Variants in PRDM1 observed in about 807,000 individuals in gnomAD.
The protein encoded by PRDM1 is PR domain zinc finger protein 1.
Under a neutral mutation model 62.8 loss-of-function variants are expected in PRDM1, and 13 were observed. The ratio of observed to expected loss-of-function variants is 0.21; its 90% CI spans 0.13 to 0.33. PRDM1 has a LOEUF of 0.33. PRDM1 is among the 10% of genes least tolerant of loss of function. The pLI is 1.00. For synonymous variants in PRDM1, 396 were observed against 417.6 expected (o/e 0.95, Z 0.63); for missense variants, 895 against 1,058.8 (o/e 0.85, Z 2.15).
Position 106,108,496 on chromosome 6 carries a change from G to A in PRDM1, c.*1010G>A. On this transcript the variant is annotated 3_prime_UTR_variant, in exon 7 of 7. Coordinates refer to ENST00000369096, the MANE Select transcript of PRDM1 (RefSeq NM_001198.4). ...GCGATTTGGGGGCTTGAGTCTGGGT[G>A]GTGTTTTGTTGTTGGTTTTTGTTGC... The A allele has an allele frequency of 4.4e-6, 1 of 226,606 alleles. No homozygotes were observed. The highest frequency in any genetic ancestry group is 2.3e-5 in the African/African-American group (1 of 43,178). The allele number at this position is 226,606 out of a possible 1,614,324, so 14.0% of individuals were successfully genotyped here.
At chr6:106,088,166 C>G (rs1269090290) in intron 1 of PRDM1, 35 bp from the exon 2 acceptor site, 1 of 1,553,024 alleles carries the variant, frequency 6.4e-7, no homozygotes, top group Non-Finnish European at 8.7e-7. Context: ...AACGGCGGGA[C>G]AATGGGGATT....
At chr6:106,078,608 A>T (rs1361598135) in intron 1 of PRDM1, among the ~76,000 whole-genome samples, 1 of 152,238 alleles carries the variant, frequency 6.6e-6, no homozygotes, top group Admixed American at 6.5e-5. Flanking sequence ...GCAGTGGCTC[A>T]CGCCTGTAAT....
intron 1 of PRDM1, among the ~76,000 whole-genome samples, chr6:106,061,523 C>T (rs1007414785): frequency 6.6e-6 from 1 of 152,220 alleles, no homozygotes; most frequent in African/African-American, 2.4e-5. Context: ...AATCACGTCC[C>T]ATAGCTCATT....
upstream of PRDM1, chr6:106,045,975 A>G (rs1270702959): frequency 6.6e-6 from 1 of 152,178 alleles, no homozygotes; most frequent in East Asian, 1.9e-4. Context: ...ATACACTGTC[A>G]CACTTGGCGC....
intron 1 of PRDM1, among the ~76,000 whole-genome samples, chr6:106,017,812 A>C (rs1772641453): frequency 6.6e-6 from 1 of 152,148 alleles, no homozygotes; most frequent in South Asian, 2.1e-4. Context: ...AAGCAGGGGC[A>C]GATTAAAGGC....
chr6:106,030,975 C>A (rs1397283215), intron 1 of PRDM1, among the ~76,000 whole-genome samples: 1 of 147,032 alleles, frequency 6.8e-6, no homozygotes, highest in African/African-American at 2.5e-5. Flanking sequence ...AGGTTGGAGT[C>A]TCCTGTCATT....
chr6:106,024,626 C>T lies in PRDM1; in HGVS notation c.-67+30987C>T, dbSNP rs372664010. 5.9e-5 allele frequency among the ~76,000 whole-genome samples: 9 copies of T among 152,228 alleles called. No individual in the cohort carries two copies. The East Asian group carries it at 9.6e-4, about 16-fold the overall frequency. ...TAATCATCTGTACAGTGGAAGAAGTCACATAAGACAGTGTGGAGCTTTTTA... is the reference window on the plus strand; with the variant it reads ...TAATCATCTGTACAGTGGAAGAAGTTACATAAGACAGTGTGGAGCTTTTTA... On this transcript the variant is annotated intron_variant, in intron 1 of 6. Coordinates refer to the PRDM1 transcript ENST00000652320.
intron 1 of PRDM1, among the ~76,000 whole-genome samples, chr6:106,022,431 T>A (rs1772706558): frequency 6.6e-6 from 1 of 151,292 alleles, no homozygotes; most frequent in Admixed American, 6.6e-5. Flanking sequence ...AGCTAATTTT[T>A]TTTTTTTTTT....
intron 1 of PRDM1, among the ~76,000 whole-genome samples, chr6:106,017,130 A>G (rs1197749615): frequency 1.3e-5 from 2 of 152,160 alleles, no homozygotes; most frequent in African/African-American, 2.4e-5. Flanking sequence ...TTGACTGCTT[A>G]TGTTATTGGT....
chr6:106,019,885 C>T (rs1298151379), intron 1 of PRDM1, among the ~76,000 whole-genome samples: 3 of 147,994 alleles, frequency 2.0e-5, no homozygotes, highest in African/African-American at 7.4e-5. Flanking sequence ...GGTGATCTGT[C>T]TGTCATGGCC....
intron 1 of PRDM1, among the ~76,000 whole-genome samples, chr6:106,028,921 T>C (rs1475558307): frequency 8.2e-5 from 12 of 145,868 alleles, no homozygotes; most frequent in Admixed American, 5.4e-4. Flanking sequence ...TTTCCTTCTT[T>C]TTTTTTTTTT....
rs1450892546 is a variant in PRDM1, at chr6:105,994,388, C to G, written c.-67+749C>G. On this transcript the variant is annotated intron_variant, in intron 1 of 6. Transcript: ENST00000652320. This position sits in a 1 kb window ranked among gnomAD's most constrained non-coding sequence, Gnocchi z 4.1. ...TGCGTAATTAAAAAAAAAAAATACA[C>G]CACTGCCACCCTACAGCGACGCTTC... 6.6e-6 allele frequency among the ~76,000 whole-genome samples: 1 copy of G among 152,146 alleles called. No homozygotes were observed. Among genetic ancestry groups the G allele is most frequent in the Admixed American group, 6.5e-5 (1 of 15,296 alleles).
chr6:106,090,518 T>A (rs1438325408), intron 2 of PRDM1, among the ~76,000 whole-genome samples: 1 of 152,240 alleles, frequency 6.6e-6, no homozygotes, highest in Non-Finnish European at 1.5e-5. Flanking sequence ...GTTTTTCTGT[T>A]TCTCTCCTTT....
In PRDM1 at chr6:106,108,780, G is replaced by T. The variant is rs1337268098; in HGVS notation, c.*1294G>T. The T allele has an allele frequency of 2.6e-5, 6 of 233,100 alleles. No individual in the cohort carries two copies. Among genetic ancestry groups the T allele is most frequent in the East Asian group, 1.8e-4 (3 of 16,650 alleles). The allele number at this position is 233,100 out of a possible 1,614,324, so 14.4% of individuals were successfully genotyped here. On this transcript the variant is annotated 3_prime_UTR_variant, in exon 7 of 7. Coordinates refer to ENST00000369096, the MANE Select transcript of PRDM1 (RefSeq NM_001198.4). The stretch of plus-strand genomic sequence containing the variant: ...TTTTATGGTTAATTTAATGGAAGAT[G>T]AAAGGGCATTGCAAAGTTGTTCAAC...
chr6:106,024,388 T>C (rs1772738673), intron 1 of PRDM1, among the ~76,000 whole-genome samples: 1 of 152,214 alleles, frequency 6.6e-6, no homozygotes. Flanking sequence ...TCTCCACATC[T>C]AATTAGTACT....
chr6:106,063,598 T>C (rs1425004109), intron 1 of PRDM1, among the ~76,000 whole-genome samples: 2 of 152,122 alleles, frequency 1.3e-5, no homozygotes, highest in African/African-American at 4.8e-5. Flanking sequence ...AGGAAAGAAA[T>C]ACATTATGAT....
chr6:106,055,127 A>G (rs1359675641), intron 1 of PRDM1, among the ~76,000 whole-genome samples: 1 of 152,226 alleles, frequency 6.6e-6, no homozygotes, highest in East Asian at 1.9e-4. Flanking sequence ...AAGGAAGGAA[A>G]TAATTCTCAC....
At chr6:106,048,548 C>G (rs1773116621) in exon 1 of PRDM1, among the ~76,000 whole-genome samples, 1 of 152,148 alleles carries the variant, frequency 6.6e-6, no homozygotes. Flanking sequence ...GACTTAGCCC[C>G]CCTTTCCTAC....
chr6:106,105,231 G>T lies in PRDM1; in HGVS notation c.1071G>T (p.Gly357=), dbSNP rs1279579551. The change falls in exon 5 of 7, where the codon GGG becomes GGT. Residue 357 remains glycine (G), a synonymous_variant. Transcript: ENST00000369096. Reference sequence around the variant, plus strand: ...GCTCCAGCCCTCACAGCAGCCCTGGGAATACGGTGTCCCCTGTGGGCCCCG... The same window carrying T: ...GCTCCAGCCCTCACAGCAGCCCTGGTAATACGGTGTCCCCTGTGGGCCCCG... ...LKSSSPHSSP[G]NTVSPVGPGS... The T allele has an allele frequency of 6.2e-7, 1 of 1,613,650 alleles. No homozygotes were observed. The highest frequency in any genetic ancestry group is 1.3e-5 in the African/African-American group (1 of 74,912).
Sources: gnomAD v4.1 joint callset for allele counts (sites outside exome capture counted in the v4.1 genomes callset) on GRCh38, gnomAD v4.1.1 for gene constraint, Gnocchi (gnomAD v3.1) non-coding constraint, MANE v1.5 for transcripts, NCBI Gene and HGNC (gene_info 2026-07-23, HGNC 2026-07-21) for gene names.